The following SV2C variants were observed in gnomAD, a reference collection of about 807,000 sequenced individuals.
The protein encoded by SV2C is synaptic vesicle glycoprotein 2C, also known as solute carrier family 22 member B3.
SV2C carries 49 observed loss-of-function variants against 79.7 expected under a neutral mutation model. The ratio of observed to expected loss-of-function variants is 0.61; its 90% CI spans 0.49 to 0.78. The LOEUF (loss-of-function observed/expected upper bound fraction) is 0.78, where lower values mean the gene tolerates loss of function less well. SV2C is among the 30% of genes least tolerant of loss of function. The pLI, the probability that SV2C is intolerant of heterozygous loss-of-function variation, is 0.00. For missense variants in SV2C, 833 were observed against 912.9 expected, an observed-to-expected ratio of 0.91 and a Z score of 1.13; for synonymous variants, 334 against 333.2, an observed-to-expected ratio of 1.00 and a Z score of -0.03.
the SV2C span, among the ~76,000 whole-genome samples, chr5:75,998,133 T>C: frequency 1.3e-5 from 2 of 151,852 alleles, no homozygotes; most frequent in East Asian, 3.9e-4. Flanking sequence ...TAGGTGAGAA[T>C]TGAACAATGA....
Position 76,332,685 on chromosome 5 carries a change from T to A in SV2C, c.*7138T>A, listed in dbSNP as rs935569029. The A allele has an allele frequency of 6.6e-5, 10 of 152,166 alleles. No homozygotes were observed. The highest frequency in any genetic ancestry group is 2.4e-4 in the African/African-American group (10 of 41,416). The allele number at this position is 152,166 out of a possible 1,614,324, so 9.4% of individuals were successfully genotyped here. On this transcript the variant is annotated 3_prime_UTR_variant, in exon 13 of 13. Transcript: ENST00000502798. Reference sequence around the variant, plus strand: ...TGTAGTTTGAGATCAGCTATAGTGGTGGTATTTATACCATGGAAAGCAACA... The same window carrying A: ...TGTAGTTTGAGATCAGCTATAGTGGAGGTATTTATACCATGGAAAGCAACA...
chr5:76,188,932 G>A (rs939675698), intron 2 of SV2C, among the ~76,000 whole-genome samples: 1 of 151,792 alleles, frequency 6.6e-6, no homozygotes, highest in Non-Finnish European at 1.5e-5. Context: ...CAGGGCAGCA[G>A]CTGTGAAAGC....
Position 76,333,925 on chromosome 5 carries a change from A to AC in SV2C, c.*8378_*8379insC, listed in dbSNP as rs1554048856. On this transcript the variant is annotated 3_prime_UTR_variant, in exon 13 of 13. Coordinates refer to ENST00000502798, the MANE Select transcript of SV2C (RefSeq NM_014979.4). ...GTGTATATCAGATTAATAAAAGAGC[A>AC]TTTTTTTTTTGCTCCATTATATTCA... is the stretch of plus-strand genomic sequence containing the variant. 1 of 150,400 alleles carries AC rather than the reference A, an allele frequency of 6.6e-6. No individual in the cohort carries two copies. Among genetic ancestry groups the AC allele is most frequent in the East Asian group, 1.9e-4 (1 of 5,146 alleles). 9.3% of individuals were successfully genotyped at this position (150,400 alleles called of 1,614,324 possible). A position where few individuals can be genotyped will look rare whatever the true frequency, so the allele number is the denominator to read the frequency against.
At chr5:75,869,678 A>G in the SV2C span, among the ~76,000 whole-genome samples, 1 of 152,010 alleles carries the variant, frequency 6.6e-6, no homozygotes, top group Non-Finnish European at 1.5e-5. Flanking sequence ...GTAGCCGGAG[A>G]TTTGTTACAG....
At chr5:76,187,332 G>A (rs1483980126) in intron 2 of SV2C, among the ~76,000 whole-genome samples, 4 of 152,170 alleles carry the variant, frequency 2.6e-5, no homozygotes, top group East Asian at 1.9e-4. Context: ...TCTTAGGCCC[G>A]CATGTGCTTT....
At chr5:75,863,931 A>G in the SV2C span, among the ~76,000 whole-genome samples, 5 of 152,378 alleles carry the variant, frequency 3.3e-5, no homozygotes, top group Middle Eastern at 3.4e-3. Context: ...AATGACAAAT[A>G]TAAATGTGAG....
At chr5:75,899,124 T>C in the SV2C span, among the ~76,000 whole-genome samples, 1 of 152,342 alleles carries the variant, frequency 6.6e-6, no homozygotes, top group East Asian at 1.9e-4. Context: ...TTGAATGTGT[T>C]TGCTCTTGCT....
chr5:75,996,999 T>C, the SV2C span, among the ~76,000 whole-genome samples: 2 of 148,784 alleles, frequency 1.3e-5, no homozygotes, highest in African/African-American at 5.0e-5. Context: ...CTGACTGTCC[T>C]GGCCAGAACT....
chr5:75,912,906 AG>A, the SV2C span, among the ~76,000 whole-genome samples: 1 of 152,216 alleles, frequency 6.6e-6, no homozygotes, highest in Admixed American at 6.5e-5. Context: ...AAGATGATCA[AG>A]CCAGGTGAGT....
At chr5:76,027,234 G>C in the SV2C span, among the ~76,000 whole-genome samples, 1 of 151,520 alleles carries the variant, frequency 6.6e-6, no homozygotes, top group African/African-American at 2.4e-5. Context: ...GCTAATTTTT[G>C]TATTTCTAGT....
the SV2C span, among the ~76,000 whole-genome samples, chr5:75,871,925 GGTTA>G: frequency 6.8e-6 from 1 of 146,642 alleles, no homozygotes; most frequent in Non-Finnish European, 1.5e-5. Flanking sequence ...ACAATGTGCA[GGTTA>G]GTTACATATG....
chr5:76,199,053 T>G (rs1460446295), intron 3 of SV2C, among the ~76,000 whole-genome samples: 1 of 152,218 alleles, frequency 6.6e-6, no homozygotes, highest in Admixed American at 6.5e-5. Context: ...ATTTCAATGA[T>G]CCTCTTGTTT....
In SV2C at chr5:76,332,746, C is replaced by T. The variant is rs1003131940; in HGVS notation, c.*7199C>T. The T allele has an allele frequency of 1.3e-5, 2 of 152,118 alleles. No homozygotes were observed. Among genetic ancestry groups the T allele is most frequent in the African/African-American group, 4.8e-5 (2 of 41,390 alleles). 9.4% of individuals were successfully genotyped at this position (152,118 alleles called of 1,614,324 possible). ...AAGCAACAAAGCCATGCAAATCAGACTCCTCCTAACCCCTAAGACAGTTGT... is the reference window on the plus strand; with the variant it reads ...AAGCAACAAAGCCATGCAAATCAGATTCCTCCTAACCCCTAAGACAGTTGT... On this transcript the variant is annotated 3_prime_UTR_variant, in exon 13 of 13. Coordinates refer to ENST00000502798, the MANE Select transcript of SV2C (RefSeq NM_014979.4).
intron 2 of SV2C, chr5:76,173,703 G>A: frequency 2.5e-6 from 4 of 1,613,622 alleles, no homozygotes; most frequent in African/African-American, 1.3e-5. Flanking sequence ...TGCCGCACTA[G>A]GTCATAAAAG....
chr5:75,960,055 A>G, the SV2C span, among the ~76,000 whole-genome samples: 1 of 152,000 alleles, frequency 6.6e-6, no homozygotes, highest in Non-Finnish European at 1.5e-5. Flanking sequence ...GGATTACAGA[A>G]TATTTTAGCT....
chr5:76,334,564 T>A (rs1287513370), downstream of SV2C, among the ~76,000 whole-genome samples: 2 of 152,210 alleles, frequency 1.3e-5, no homozygotes. Flanking sequence ...AGATCAGCCA[T>A]CCTCATCATA....
At chr5:75,960,564 C>A in the SV2C span, among the ~76,000 whole-genome samples, 1 of 151,930 alleles carries the variant, frequency 6.6e-6, no homozygotes, top group African/African-American at 2.4e-5. Flanking sequence ...AAGCAATAGG[C>A]TATCCCATAT....
chr5:75,889,054 T>C, the SV2C span, among the ~76,000 whole-genome samples: 3 of 152,094 alleles, frequency 2.0e-5, no homozygotes, highest in Non-Finnish European at 4.4e-5. Context: ...ACCCAAGTTA[T>C]ATTAAGTTAG....
chr5:76,258,724 T>G (rs1274041442), intron 4 of SV2C, among the ~76,000 whole-genome samples: 1 of 152,184 alleles, frequency 6.6e-6, no homozygotes, highest in Non-Finnish European at 1.5e-5. Flanking sequence ...GAATCTTAAG[T>G]GTACAGTTCA....
Sources: allele counts gnomAD v4.1 joint callset (sites outside exome capture counted in the v4.1 genomes callset), GRCh38; gene constraint gnomAD v4.1.1; transcripts MANE v1.5; gene names NCBI Gene and HGNC (gene_info 2026-07-23, HGNC 2026-07-21).